The following WWTR1 variants were observed in gnomAD, a reference collection of about 807,000 sequenced individuals.
WWTR1 encodes WW domain-containing transcription regulator protein 1.
Under a neutral mutation model 40.1 loss-of-function variants are expected in WWTR1, and 13 were observed. The ratio of observed to expected loss-of-function variants is 0.32; its 90% confidence interval spans 0.21 to 0.52. The LOEUF is 0.52. Among genes scored for constraint, WWTR1 ranks in the 20% least tolerant of loss-of-function variants. The pLI is 0.97. For synonymous variants in WWTR1, 230 were observed against 210.1 expected, an observed-to-expected ratio of 1.09 and a Z score of -0.82; for missense variants, 436 against 523.1, an observed-to-expected ratio of 0.83 and a Z score of 1.63.
At chr3:149,693,358 A>C (rs572909785) in intron 1 of WWTR1, among the ~76,000 whole-genome samples, 1 of 152,330 alleles carries the variant, frequency 6.6e-6, no homozygotes, top group South Asian at 2.1e-4. Flanking sequence ...AATATATTCC[A>C]TGTTCATGGA....
chr3:149,685,221 T>C (rs1214902265), intron 1 of WWTR1, among the ~76,000 whole-genome samples: 1 of 152,176 alleles, frequency 6.6e-6, no homozygotes, highest in Non-Finnish European at 1.5e-5. Context: ...AGATGGACTA[T>C]TTAGAGTCTC....
intron 3 of WWTR1, among the ~76,000 whole-genome samples, chr3:149,565,640 G>A (rs922422089): frequency 7.2e-5 from 11 of 152,036 alleles, no homozygotes; most frequent in South Asian, 4.1e-4. Context: ...TTTTCAGGCC[G>A]GGTGCTCGTG....
At chr3:149,585,629 C>T (rs1738387243) in intron 2 of WWTR1, among the ~76,000 whole-genome samples, 1 of 152,052 alleles carries the variant, frequency 6.6e-6, no homozygotes, top group East Asian at 1.9e-4. Context: ...GCTGCGATTC[C>T]TTTACTGCCC....
chr3:149,718,633 A>G (rs950777977), intron 4 of WWTR1, among the ~76,000 whole-genome samples: 1 of 152,078 alleles, frequency 6.6e-6, no homozygotes, highest in African/African-American at 2.4e-5. Flanking sequence ...ACAACAACTC[A>G]TTGCTCCCTT....
chr3:149,660,718 T>A (rs1713530788), upstream of WWTR1, among the ~76,000 whole-genome samples: 1 of 152,206 alleles, frequency 6.6e-6, no homozygotes, highest in Non-Finnish European at 1.5e-5. Flanking sequence ...GTTTCCTCCT[T>A]TGTAAATTAG....
rs755442408 is a variant in WWTR1, at chr3:149,543,580, CAAAAAAAAAAA to C, written c.569-1054_569-1044del. On this transcript the variant is annotated intron_variant, in intron 3 of 6. Coordinates refer to ENST00000360632, the MANE Select transcript of WWTR1 (RefSeq NM_015472.6). ...CTGGTGACAAAGAAAGACTCTGTCTCAAAAAAAAAAAAAAAAAAAAAAAGAACTTCACTTTA... is the reference window on the plus strand; with the variant it reads ...CTGGTGACAAAGAAAGACTCTGTCTCAAAAAAAAAAAAGAACTTCACTTTA... 8.6e-4 allele frequency among the ~76,000 whole-genome samples: 27 copies of C among 31,230 alleles called. 1 individual carries two copies. Among genetic ancestry groups the C allele is most frequent in the South Asian group, 2.2e-3 (1 of 460 alleles). 20.5% of individuals were successfully genotyped at this position (31,230 alleles called of 152,430 possible).
chr3:149,542,559 AGATTAAT>A, intron 3 of WWTR1, 22 bp from the exon 4 acceptor site: 1 of 1,592,306 alleles, frequency 6.3e-7, no homozygotes, highest in Non-Finnish European at 8.6e-7. Flanking sequence ...AAGAACATAC[AGATTAAT>A]GACCAGGGCC....
intron 2 of WWTR1, among the ~76,000 whole-genome samples, chr3:149,584,001 T>C (rs1287131096): frequency 2.0e-5 from 3 of 152,214 alleles, no homozygotes; most frequent in Non-Finnish European, 2.9e-5. Flanking sequence ...TAAAAAGAAG[T>C]TAGTATTTTA....
upstream of WWTR1, among the ~76,000 whole-genome samples, chr3:149,706,157 T>C (rs563945600): frequency 1.1e-4 from 16 of 152,128 alleles, no homozygotes; most frequent in African/African-American, 3.6e-4. Flanking sequence ...GATCACACAA[T>C]ATACCACTGC....
At chr3:149,610,990 A>AT (rs1009723772) in intron 2 of WWTR1, among the ~76,000 whole-genome samples, 5 of 151,570 alleles carry the variant, frequency 3.3e-5, no homozygotes, top group African/African-American at 1.2e-4. Context: ...AAAAAAAAAA[A>AT]ATTTTTTTTA....
At chr3:149,610,504 T>C (rs1029432862) in intron 2 of WWTR1, among the ~76,000 whole-genome samples, 3 of 152,260 alleles carry the variant, frequency 2.0e-5, no homozygotes, top group East Asian at 1.9e-4. Flanking sequence ...AGAAACCTAA[T>C]GTTAGTTCAA....
chr3:149,579,108 C>A (rs1487061670), intron 2 of WWTR1, among the ~76,000 whole-genome samples: 1 of 152,136 alleles, frequency 6.6e-6, no homozygotes, highest in Admixed American at 6.5e-5. Flanking sequence ...GAATTTAAAA[C>A]TATTAGCAGC....
chr3:149,607,862 T>C (rs1739557918), intron 2 of WWTR1, among the ~76,000 whole-genome samples: 1 of 151,996 alleles, frequency 6.6e-6, no homozygotes. Context: ...AAGAGATAAC[T>C]GAAACAAAAA....
At chr3:149,571,115 C>T (rs62269319) in intron 3 of WWTR1, among the ~76,000 whole-genome samples, 15,963 of 151,218 alleles carry the variant, frequency 0.11, 949 homozygotes, top group Middle Eastern at 0.15. Context: ...ATTAAACATA[C>T]ACACACACAC....
At chr3:149,539,424 C>T (rs1328122261) in intron 4 of WWTR1, among the ~76,000 whole-genome samples, 3 of 152,116 alleles carry the variant, frequency 2.0e-5, no homozygotes, top group African/African-American at 7.2e-5. Flanking sequence ...CAGACAGGCT[C>T]AGTTGGTAGA....
intron 1 of WWTR1, among the ~76,000 whole-genome samples, chr3:149,679,347 C>T (rs1053262568): frequency 6.6e-6 from 1 of 152,124 alleles, no homozygotes; most frequent in African/African-American, 2.4e-5. Flanking sequence ...GACAATACTG[C>T]CTACCTTTTA....
intron 2 of WWTR1, among the ~76,000 whole-genome samples, chr3:149,582,708 C>A (rs1044064605): frequency 1.3e-5 from 2 of 151,808 alleles, no homozygotes; most frequent in African/African-American, 4.8e-5. Context: ...CCAGTGTGGG[C>A]GGCAGAGCAA....
chr3:149,667,025 C>T (rs1465775576), intron 2 of WWTR1, among the ~76,000 whole-genome samples: 1 of 152,178 alleles, frequency 6.6e-6, no homozygotes, highest in Admixed American at 6.5e-5. Context: ...TGTCTCCTCC[C>T]TCTCATTAAA....
chr3:149,635,649 G>A (rs920239522), intron 2 of WWTR1, among the ~76,000 whole-genome samples: 11 of 136,940 alleles, frequency 8.0e-5, no homozygotes, highest in African/African-American at 3.3e-4. Flanking sequence ...AAGGAAGAAG[G>A]AGAAGAAGAA....
Sources: gnomAD v4.1 joint callset for allele counts (sites outside exome capture counted in the v4.1 genomes callset) on GRCh38, gnomAD v4.1.1 for gene constraint, MANE v1.5 for transcripts, NCBI Gene and HGNC (gene_info 2026-07-23, HGNC 2026-07-21) for gene names.